The following MYT1L variants were observed in gnomAD, a reference collection of about 807,000 sequenced individuals.
MYT1L encodes myelin transcription factor 1-like protein.
In MYT1L, 12 loss-of-function variants were observed where a neutral mutation model predicts 126.7. The observed-to-expected ratio is 0.09, with a 90% CI of 0.06 to 0.15. MYT1L has a LOEUF of 0.15. Among genes scored for constraint, MYT1L ranks in the 10% least tolerant of loss-of-function variants. The pLI is 1.00. For synonymous variants in MYT1L, 541 were observed against 604.2 expected (o/e 0.90, Z 1.53); for missense variants, 979 against 1,585.2 (o/e 0.62, Z 6.49).
intron 18 of MYT1L, among the ~76,000 whole-genome samples, chr2:1,874,263 C>A (rs1334852874): frequency 6.6e-6 from 1 of 151,878 alleles, no homozygotes; most frequent in Non-Finnish European, 1.5e-5. Flanking sequence ...AGATACAAGT[C>A]ATTTCTCCAC....
intron 4 of MYT1L, among the ~76,000 whole-genome samples, chr2:2,038,998 C>G (rs1296813996): frequency 1.3e-5 from 2 of 152,156 alleles, no homozygotes; most frequent in Non-Finnish European, 2.9e-5. Flanking sequence ...CACTGACCAC[C>G]CTCTCTGCCG....
intron 5 of MYT1L, among the ~76,000 whole-genome samples, chr2:1,980,884 G>C (rs1275983848): frequency 6.6e-6 from 1 of 152,152 alleles, no homozygotes; most frequent in Non-Finnish European, 1.5e-5. Flanking sequence ...AAGACGACGG[G>C]GGAGCTAAGA....
At chr2:1,924,051 C>A (rs1244743092) in intron 9 of MYT1L, among the ~76,000 whole-genome samples, 1 of 152,194 alleles carries the variant, frequency 6.6e-6, no homozygotes, top group Admixed American at 6.5e-5. Context: ...AGCTACTGCA[C>A]AGTGTTTGAC....
intron 5 of MYT1L, among the ~76,000 whole-genome samples, chr2:1,996,776 C>T (rs1200339648): frequency 2.8e-4 from 34 of 119,772 alleles, no homozygotes; most frequent in Middle Eastern, 7.5e-3. Flanking sequence ...GTAGACGGGC[C>T]GCCTTTACCT....
At chr2:2,185,771 C>T (rs1352047700) in intron 2 of MYT1L, among the ~76,000 whole-genome samples, 6 of 132,118 alleles carry the variant, frequency 4.5e-5, no homozygotes, top group African/African-American at 1.4e-4. Context: ...GCGTTCCTTA[C>T]GTGAGGGGGA....
intron 13 of MYT1L, among the ~76,000 whole-genome samples, chr2:1,905,068 T>C (rs1202920872): frequency 1.3e-5 from 2 of 151,692 alleles, no homozygotes; most frequent in Non-Finnish European, 2.9e-5. Context: ...TTTGTATTTT[T>C]AGTAGAGACA....
At chr2:2,109,875 T>TTTTA (rs2079179252) in intron 3 of MYT1L, among the ~76,000 whole-genome samples, 3 of 63,874 alleles carry the variant, frequency 4.7e-5, no homozygotes, top group East Asian at 4.7e-4. Context: ...AGTGCTGATT[T>TTTTA]TATATATATA....
At position 2,238,784 on chromosome 2, in the gene MYT1L, C is replaced by T. The variant is rs937123999; in HGVS notation, c.-421+45620G>A. Among the ~76,000 whole-genome samples, 9 of 152,240 alleles carry T rather than the reference C, an allele frequency of 5.9e-5. No homozygotes were observed. In the South Asian group the frequency reaches 6.2e-4, roughly 11 times the overall value. On this transcript the variant is annotated intron_variant, in intron 2 of 24. Transcript: ENST00000647738. Reference sequence around the variant, plus strand: ...AGTAAATACATCTCTACATGTTCCACGATAAGCAGGAAGTAAGCCCTCTTT... The same window carrying T: ...AGTAAATACATCTCTACATGTTCCATGATAAGCAGGAAGTAAGCCCTCTTT...
intron 3 of MYT1L, among the ~76,000 whole-genome samples, chr2:2,060,548 A>G (rs1256282034): frequency 6.6e-6 from 1 of 152,206 alleles, no homozygotes; most frequent in Admixed American, 6.5e-5. Flanking sequence ...TCCTGTAATG[A>G]AAAGTAGGCA....
At chr2:2,237,829 T>C (rs887420736) in intron 2 of MYT1L, among the ~76,000 whole-genome samples, 4 of 152,108 alleles carry the variant, frequency 2.6e-5, no homozygotes, top group African/African-American at 4.8e-5. Flanking sequence ...TTCTGCCTCA[T>C]TGGGCAGCTG....
At chr2:1,977,456 G>T (rs2060270547) in intron 8 of MYT1L, among the ~76,000 whole-genome samples, 1 of 152,060 alleles carries the variant, frequency 6.6e-6, no homozygotes, top group South Asian at 2.1e-4. Flanking sequence ...GCAAAACTAT[G>T]GCTATAAAAT....
At chr2:1,926,328 T>C (rs1183738107) in intron 9 of MYT1L, among the ~76,000 whole-genome samples, 2 of 152,202 alleles carry the variant, frequency 1.3e-5, no homozygotes, top group Admixed American at 1.3e-4. Context: ...ATCAGCCTCA[T>C]CTGGAATTCA....
At chr2:2,082,785 G>A (rs766097378) in intron 3 of MYT1L, among the ~76,000 whole-genome samples, 3 of 152,180 alleles carry the variant, frequency 2.0e-5, no homozygotes, top group Non-Finnish European at 2.9e-5. Context: ...GAAGACTATT[G>A]CATGATTAGG....
At chr2:1,839,942 G>C (rs1047143758) in intron 20 of MYT1L, among the ~76,000 whole-genome samples, 6 of 152,184 alleles carry the variant, frequency 3.9e-5, no homozygotes, top group Admixed American at 1.3e-4. Context: ...CACGGGACAG[G>C]TGTGTTCCTG....
At chr2:2,185,757 G>T (rs1200384536) in intron 2 of MYT1L, among the ~76,000 whole-genome samples, 1 of 110,810 alleles carries the variant, frequency 9.0e-6, no homozygotes, top group African/African-American at 3.6e-5. Context: ...CCTCCCAGAC[G>T]CCCGCGTTCC....
At chr2:2,280,087 T>C (rs1056705982) in intron 2 of MYT1L, among the ~76,000 whole-genome samples, 2 of 152,120 alleles carry the variant, frequency 1.3e-5, no homozygotes, top group African/African-American at 2.4e-5. Context: ...TCAGAAAACA[T>C]TAAAGTAAAA....
intron 2 of MYT1L, among the ~76,000 whole-genome samples, chr2:2,245,354 T>C (rs2094515396): frequency 6.6e-6 from 1 of 151,852 alleles, no homozygotes; most frequent in Non-Finnish European, 1.5e-5. Flanking sequence ...TCCCGAGCTC[T>C]AGCCTACTCC....
At chr2:1,897,101 A>G (rs2049695234) in intron 14 of MYT1L, among the ~76,000 whole-genome samples, 1 of 152,256 alleles carries the variant, frequency 6.6e-6, no homozygotes, top group Non-Finnish European at 1.5e-5. Flanking sequence ...GACAGTATCT[A>G]CTTTCACATG....
chr2:2,077,092 T>C lies in MYT1L; in HGVS notation c.-303-22969A>G, dbSNP rs537458983. Among the ~76,000 whole-genome samples, 4 of 152,200 alleles carry C rather than the reference T, an allele frequency of 2.6e-5. No homozygotes were observed. In the East Asian group the frequency reaches 7.7e-4, roughly 29 times the overall value. ...CATTAGAGAAGCTCAATAACAAATT[T>C]GACCCTTAAGAACAAAGAATCCAAA... On this transcript the variant is annotated intron_variant, in intron 3 of 24. Coordinates refer to ENST00000647738, the MANE Select transcript of MYT1L (RefSeq NM_001303052.2).
Sources: gnomAD v4.1 joint callset for allele counts (sites outside exome capture counted in the v4.1 genomes callset) on GRCh38, gnomAD v4.1.1 for gene constraint, MANE v1.5 for transcripts, NCBI Gene and HGNC (gene_info 2026-07-23, HGNC 2026-07-21) for gene names.